The following PIK3R1 variants were observed in gnomAD, a reference collection of about 807,000 sequenced individuals.
PIK3R1 encodes phosphoinositide-3-kinase regulatory subunit 1, also known as phosphatidylinositol 3-kinase regulatory subunit alpha.
Under a neutral mutation model 98.0 loss-of-function variants are expected in PIK3R1, and 29 were observed. That is an observed-to-expected ratio of 0.30 (90% CI 0.22 to 0.40). The LOEUF (loss-of-function observed/expected upper bound fraction) is 0.40. Among genes scored for constraint, PIK3R1 ranks in the 10% least tolerant of loss-of-function variants. The pLI is 1.00. For missense variants in PIK3R1, 596 were observed against 872.7 expected, an observed-to-expected ratio of 0.68 and a Z score of 3.99; for synonymous variants, 282 against 311.8, an observed-to-expected ratio of 0.90 and a Z score of 1.01.
intron 1 of PIK3R1, among the ~76,000 whole-genome samples, chr5:68,225,853 C>G (rs763513816): frequency 6.6e-6 from 1 of 152,226 alleles, no homozygotes; most frequent in Non-Finnish European, 1.5e-5. Flanking sequence ...ACTGCCTGTT[C>G]TAGCTCTTCT....
At chr5:68,263,177 A>ATATATACATATATCTACATATATATC (rs1745966684) in intron 2 of PIK3R1, among the ~76,000 whole-genome samples, 2 of 144,424 alleles carry the variant, frequency 1.4e-5, no homozygotes, top group Admixed American at 6.9e-5. Context: ...ATATATATCT[A>ATATATACATATATCTACATATATATC]TATATACATA....
intron 1 of PIK3R1, among the ~76,000 whole-genome samples, chr5:68,218,411 A>G (rs1743978338): frequency 6.6e-6 from 1 of 151,580 alleles, no homozygotes; most frequent in African/African-American, 2.4e-5. Flanking sequence ...GAACATATCA[A>G]CCTAAATTGA....
chr5:68,245,469 A>G (rs760423190), intron 2 of PIK3R1, among the ~76,000 whole-genome samples: 2 of 152,200 alleles, frequency 1.3e-5, no homozygotes, highest in East Asian at 1.9e-4. Context: ...TCTTGCTTAC[A>G]TGGAGCACTT....
chr5:68,293,682 C>A (rs1747521437), intron 10 of PIK3R1, 27 bp from the exon 11 acceptor site: 1 of 1,351,692 alleles, frequency 7.4e-7, no homozygotes, highest in Non-Finnish European at 1.0e-6. Context: ...AATACCTTAT[C>A]CATTGAATTT....
chr5:68,270,025 A>T (rs1580230076), intron 2 of PIK3R1, among the ~76,000 whole-genome samples: 1 of 152,306 alleles, frequency 6.6e-6, no homozygotes, highest in East Asian at 1.9e-4. Context: ...AATACATTAC[A>T]AAAAGAGTAC....
chr5:68,245,377 G>GAT (rs1336177837), intron 2 of PIK3R1, among the ~76,000 whole-genome samples: 2 of 152,274 alleles, frequency 1.3e-5, no homozygotes, highest in East Asian at 3.9e-4. Flanking sequence ...GCATGTGGGA[G>GAT]ATATATAGGA....
chr5:68,247,124 G>A (rs1359486945), intron 2 of PIK3R1, among the ~76,000 whole-genome samples: 1 of 152,170 alleles, frequency 6.6e-6, no homozygotes, highest in Non-Finnish European at 1.5e-5. Context: ...GGAAATATGT[G>A]ATTTGATATG....
At chr5:68,280,115 G>A (rs1025005595) in intron 5 of PIK3R1, 19 of 307,072 alleles carry the variant, frequency 6.2e-5, no homozygotes, top group African/African-American at 4.1e-4. Context: ...ATGTGTTGAG[G>A]GAAGATGGCT....
At chr5:68,292,715 G>C in intron 8 of PIK3R1, 1 of 1,273,672 alleles carries the variant, frequency 7.9e-7, no homozygotes, top group South Asian at 1.7e-5. Flanking sequence ...GTTAGCTTTG[G>C]GAAGGGGGAG....
intron 7 of PIK3R1, chr5:68,290,597 G>A: frequency 7.6e-7 from 1 of 1,312,508 alleles, no homozygotes; most frequent in Non-Finnish European, 1.0e-6. Flanking sequence ...TGACTTGATT[G>A]GCTGGGGCGT....
chr5:68,292,753 A>G, intron 8 of PIK3R1: 1 of 1,275,066 alleles, frequency 7.8e-7, no homozygotes, highest in South Asian at 1.7e-5. Flanking sequence ...TTTTGAGATC[A>G]TGAGTTTCTG....
At chr5:68,277,350 C>T (rs2112179677) in intron 4 of PIK3R1, among the ~76,000 whole-genome samples, 1 of 152,150 alleles carries the variant, frequency 6.6e-6, no homozygotes, top group South Asian at 2.1e-4. Flanking sequence ...GTGGTATTGC[C>T]CCTCCCACAC....
chr5:68,239,965 C>T (rs1018195450), intron 2 of PIK3R1: 34 of 488,666 alleles, frequency 7.0e-5, no homozygotes, highest in Non-Finnish European at 1.3e-4. Context: ...GCAGTTCATT[C>T]CTCCTGCATG....
At chr5:68,284,578 C>T (rs1747002296) in intron 7 of PIK3R1, among the ~76,000 whole-genome samples, 2 of 152,238 alleles carry the variant, frequency 1.3e-5, no homozygotes, top group Admixed American at 6.5e-5. Context: ...CAAGTAGGTC[C>T]TTCCCGTTTT....
Position 68,300,278 on chromosome 5 carries a change from T to C in PIK3R1, c.*2677T>C, listed in dbSNP as rs1747966948. 1 of 233,078 alleles carries C rather than the reference T, an allele frequency of 4.3e-6. No homozygotes were observed. The highest frequency in any genetic ancestry group is 2.2e-5 in the African/African-American group (1 of 45,366). 14.4% of individuals were successfully genotyped at this position (233,078 alleles called of 1,614,324 possible). ...CAGACCTGTTCTGCCCAATGCCTTT[T>C]TGATTACAGTGTAGCTTGCCCACCG... On this transcript the variant is annotated 3_prime_UTR_variant, in exon 16 of 16. Transcript: ENST00000521381.
intron 2 of PIK3R1, among the ~76,000 whole-genome samples, chr5:68,249,756 C>A (rs34302): frequency 0.98 from 149,436 of 152,256 alleles, 73,351 homozygotes; most frequent in East Asian, 1. Flanking sequence ...TTGAAAGGGG[C>A]CTGCTTGTGG....
intron 2 of PIK3R1, among the ~76,000 whole-genome samples, chr5:68,245,476 A>T (rs1450604863): frequency 3.3e-5 from 5 of 152,232 alleles, no homozygotes; most frequent in Admixed American, 3.3e-4. Context: ...TACATGGAGC[A>T]CTTGCAAATA....
chr5:68,234,853 T>G (rs769365169), intron 2 of PIK3R1, among the ~76,000 whole-genome samples: 13 of 152,278 alleles, frequency 8.5e-5, no homozygotes, highest in Middle Eastern at 3.4e-3. Context: ...AGTGACTGTC[T>G]GGGGTTGTCA....
In PIK3R1 at chr5:68,289,433, AT is replaced by A. The variant is rs540642892; in HGVS notation, c.917-2822del. Reference sequence around the variant, plus strand: ...TTTTTAATATATTTTATGATCCCAAATTTTACAGAAAGTCTCAAGGGTTTCT... The same window carrying A: ...TTTTTAATATATTTTATGATCCCAAATTTACAGAAAGTCTCAAGGGTTTCT... On this transcript the variant is annotated intron_variant, in intron 7 of 15. Coordinates refer to ENST00000521381, the MANE Select transcript of PIK3R1 (RefSeq NM_181523.3). Among the ~76,000 whole-genome samples the A allele has an allele frequency of 2.9e-3, 439 of 152,060 alleles. 3 individuals carry two copies. Among genetic ancestry groups the A allele is most frequent in the Middle Eastern group, 0.014 (4 of 294 alleles).
Sources: allele counts gnomAD v4.1 joint callset (sites outside exome capture counted in the v4.1 genomes callset), GRCh38; gene constraint gnomAD v4.1.1; transcripts MANE v1.5; gene names NCBI Gene and HGNC (gene_info 2026-07-23, HGNC 2026-07-21).